ACOT12: variants seen among roughly 807,000 people sequenced by gnomAD.
ACOT12 encodes the protein acetyl-coenzyme A thioesterase.
In ACOT12, 51 loss-of-function variants were observed where a neutral mutation model predicts 67.7. The observed-to-expected ratio is 0.75, with a 90% confidence interval of 0.60 to 0.95. ACOT12 has a LOEUF of 0.95. ACOT12 is among the 40% of genes least tolerant of loss of function. ACOT12 has a pLI of 0.00. For missense variants in ACOT12, 734 were observed against 708.1 expected (o/e 1.04, Z -0.41); for synonymous variants, 251 against 244.6 (o/e 1.03, Z -0.24).
intron 2 of ACOT12, among the ~76,000 whole-genome samples, chr5:81,382,534 T>C (rs1181005159): frequency 6.6e-6 from 1 of 152,090 alleles, no homozygotes; most frequent in African/African-American, 2.4e-5. Flanking sequence ...CAGTGGCTCA[T>C]GCCTGTAATC....
chr5:81,357,252 C>T (rs779436642), intron 5 of ACOT12, among the ~76,000 whole-genome samples: 7 of 152,176 alleles, frequency 4.6e-5, no homozygotes, highest in Non-Finnish European at 7.3e-5. Context: ...TATTCACTTA[C>T]TATATTATTT....
chr5:81,335,264 T>C (rs552627640), intron 12 of ACOT12, among the ~76,000 whole-genome samples: 1 of 152,316 alleles, frequency 6.6e-6, no homozygotes, highest in South Asian at 2.1e-4. Context: ...TTACAATAGA[T>C]GTGTGTAAAG....
chr5:81,361,692 C>T (rs560470544), intron 4 of ACOT12, among the ~76,000 whole-genome samples: 1 of 152,168 alleles, frequency 6.6e-6, no homozygotes, highest in Non-Finnish European at 1.5e-5. Context: ...AGACCTCCAC[C>T]CTCTCTGAGG....
chr5:81,387,949 A>G (rs1056880056), intron 1 of ACOT12, among the ~76,000 whole-genome samples: 2 of 152,188 alleles, frequency 1.3e-5, no homozygotes, highest in African/African-American at 4.8e-5. Flanking sequence ...TATATGTAGC[A>G]CTATACTAGA....
At chr5:81,370,479 G>A (rs998449670) in intron 3 of ACOT12, among the ~76,000 whole-genome samples, 9 of 152,202 alleles carry the variant, frequency 5.9e-5, no homozygotes, top group South Asian at 2.1e-4. Context: ...GCCAGACTGC[G>A]GTGGGGCAGG....
chr5:81,357,813 C>T (rs1317351537), intron 5 of ACOT12, among the ~76,000 whole-genome samples: 1 of 152,028 alleles, frequency 6.6e-6, no homozygotes, highest in Non-Finnish European at 1.5e-5. Flanking sequence ...CAAGACCAGC[C>T]TGGCCAATGT....
chr5:81,371,727 A>G lies in ACOT12; in HGVS notation c.258+23T>C, dbSNP rs1760259820. The stretch of plus-strand genomic sequence containing the variant: ...TGAAGAAGTGAGCACCAACAGGCAG[A>G]TGTTTGAAAAGGTGCCTCTTACCTC... On this transcript the variant is annotated intron_variant, in intron 3 of 14. Transcript: ENST00000307624. The G allele has an allele frequency of 1.9e-6, 3 of 1,610,410 alleles. No homozygotes were observed. In the East Asian group the frequency reaches 6.7e-5, roughly 36 times the overall value.
Position 81,394,097 on chromosome 5 carries a change from G to T in ACOT12, c.18C>A (p.Pro6=), listed in dbSNP as rs1472568343. Residue 6 remains proline (P), a synonymous_variant, in exon 1 of 15, where the codon CCC becomes CCA. Coordinates refer to ENST00000307624, the MANE Select transcript of ACOT12 (RefSeq NM_130767.3). MERPA[P]GEVVMSQAIQ... ...TGGCTTGGCTCATGACCACCTCGCC[G>T]GGCGCCGGCCGCTCCATGGCCAGGG... The T allele has an allele frequency of 1.4e-6, 2 of 1,456,154 alleles. No homozygotes were observed. The highest frequency in any genetic ancestry group is 1.8e-6 in the Non-Finnish European group (2 of 1,109,398). 90.2% of individuals were successfully genotyped at this position (1,456,154 alleles called of 1,614,324 possible).
At chr5:81,364,055 C>G (rs146934658) in intron 3 of ACOT12, among the ~76,000 whole-genome samples, 166 bp from the exon 4 acceptor site, 1 of 152,030 alleles carries the variant, frequency 6.6e-6, no homozygotes, top group Non-Finnish European at 1.5e-5. Context: ...TTCTATAACA[C>G]TGGACAATTA....
intron 2 of ACOT12, among the ~76,000 whole-genome samples, chr5:81,375,109 C>A (rs960631254): frequency 1.3e-5 from 2 of 152,192 alleles, no homozygotes; most frequent in African/African-American, 2.4e-5. Context: ...AGGTTACCCA[C>A]AAAGGGAAGC....
At chr5:81,351,753 C>T (rs773748372) in intron 5 of ACOT12, among the ~76,000 whole-genome samples, 2 of 152,170 alleles carry the variant, frequency 1.3e-5, no homozygotes, top group South Asian at 4.1e-4. Context: ...AATCAACAAA[C>T]GGAATCACAT....
chr5:81,335,733 G>A (rs1221283290), intron 12 of ACOT12, 35 bp downstream of exon 12: 5 of 1,601,034 alleles, frequency 3.1e-6, no homozygotes, highest in Non-Finnish European at 4.3e-6. Context: ...ATTATGTCAA[G>A]GTTGATTGAG....
At position 81,372,740 on chromosome 5, in the gene ACOT12, C is replaced by A. The variant is rs138984756; in HGVS notation, c.198-930G>T. ...TTCAATTCAAACTTCCTAAAAACAT[C>A]GTTTATTTTTCTGACTTATACATTT... On this transcript the variant is annotated intron_variant, in intron 2 of 14. Transcript: ENST00000307624. 2.5e-3 allele frequency among the ~76,000 whole-genome samples: 384 copies of A among 152,234 alleles called. 1 individual carries two copies. The highest frequency in any genetic ancestry group is 9.0e-3 in the African/African-American group (376 of 41,554).
chr5:81,342,806 T>A, intron 10 of ACOT12, 51 bp from the exon 11 acceptor site: 1 of 1,564,096 alleles, frequency 6.4e-7, no homozygotes, highest in Non-Finnish European at 8.8e-7. Flanking sequence ...TACATGGATG[T>A]GTGATCATAT....
intron 11 of ACOT12, among the ~76,000 whole-genome samples, chr5:81,338,613 A>G (rs1759084817): frequency 6.6e-6 from 1 of 152,160 alleles, no homozygotes; most frequent in Non-Finnish European, 1.5e-5. Flanking sequence ...CTTTATAGCA[A>G]TGTGAGGATG....
At chr5:81,367,535 A>G (rs1248061346) in intron 3 of ACOT12, among the ~76,000 whole-genome samples, 2 of 152,198 alleles carry the variant, frequency 1.3e-5, no homozygotes, top group Non-Finnish European at 2.9e-5. Context: ...GTCATATTGC[A>G]AACCCGAGAA....
chr5:81,360,039 C>G lies in ACOT12; in HGVS notation c.361-1G>C. The G allele has an allele frequency of 6.3e-7, 1 of 1,594,304 alleles. No individual in the cohort carries two copies. Among genetic ancestry groups the G allele is most frequent in the Non-Finnish European group, 8.5e-7 (1 of 1,175,508 alleles). ...GAAGTGTGACTGGTTTTAAATGAAT[C>G]TAGAGAAAGAAAAGCATTTATCTTT... On this transcript the variant is annotated splice_acceptor_variant, in intron 4 of 14. Transcript: ENST00000307624. LOFTEE classifies it high-confidence loss of function.
At chr5:81,366,698 A>G (rs747743979) in intron 3 of ACOT12, among the ~76,000 whole-genome samples, 2 of 152,166 alleles carry the variant, frequency 1.3e-5, no homozygotes, top group Non-Finnish European at 2.9e-5. Flanking sequence ...AAGAACGGAA[A>G]ATATAAAAAA....
intron 4 of ACOT12, among the ~76,000 whole-genome samples, chr5:81,363,289 T>C (rs1243935305): frequency 6.6e-6 from 1 of 152,010 alleles, no homozygotes; most frequent in African/African-American, 2.4e-5. Context: ...CTTCGGAGGG[T>C]GTTTTCACCC....
Sources: gnomAD v4.1 joint callset for allele counts (sites outside exome capture counted in the v4.1 genomes callset) on GRCh38, gnomAD v4.1.1 for gene constraint, MANE v1.5 for transcripts, NCBI Gene and HGNC (gene_info 2026-07-23, HGNC 2026-07-21) for gene names.